The following KCNJ3 variants were observed in gnomAD, a reference collection of about 807,000 sequenced individuals.
The protein encoded by KCNJ3 is potassium inwardly rectifying channel subfamily J member 3.
KCNJ3 carries 4 observed loss-of-function variants against 39.2 expected under a neutral mutation model. The ratio of observed to expected loss-of-function variants is 0.10; its 90% CI spans 0.05 to 0.23. KCNJ3 has a LOEUF of 0.23. Among genes scored for constraint, KCNJ3 ranks in the 10% least tolerant of loss-of-function variants. KCNJ3 has a pLI of 1.00. For missense variants in KCNJ3, 276 were observed against 634.9 expected, an observed-to-expected ratio of 0.43 and a Z score of 6.08; for synonymous variants, 230 against 237.4, an observed-to-expected ratio of 0.97 and a Z score of 0.29.
At chr2:154,718,869 C>G (rs1685221532) in intron 2 of KCNJ3, among the ~76,000 whole-genome samples, 1 of 152,024 alleles carries the variant, frequency 6.6e-6, no homozygotes, top group South Asian at 2.1e-4. Context: ...GTTGACACTA[C>G]CTTTGTCATA....
intron 2 of KCNJ3, among the ~76,000 whole-genome samples, chr2:154,729,374 A>G (rs1685414754): frequency 6.6e-6 from 1 of 152,216 alleles, no homozygotes; most frequent in African/African-American, 2.4e-5. Context: ...ATAAAATGTC[A>G]TAAAGTGATA....
chr2:154,770,033 G>T (rs1429172189), intron 2 of KCNJ3, among the ~76,000 whole-genome samples: 1 of 152,080 alleles, frequency 6.6e-6, no homozygotes. Context: ...TGTTATTACT[G>T]GTTCTGAAAA....
chr2:154,714,834 T>G (rs1685157056), intron 2 of KCNJ3, among the ~76,000 whole-genome samples: 1 of 152,232 alleles, frequency 6.6e-6, no homozygotes. Flanking sequence ...AATCCCTGCC[T>G]TGTATGGATA....
At chr2:154,764,163 T>G (rs949552813) in intron 2 of KCNJ3, among the ~76,000 whole-genome samples, 3 of 152,236 alleles carry the variant, frequency 2.0e-5, no homozygotes, top group Admixed American at 6.5e-5. Flanking sequence ...AGTATCTCCA[T>G]TATATTCTGG....
intron 2 of KCNJ3, among the ~76,000 whole-genome samples, chr2:154,710,041 C>A (rs1265430793): frequency 6.6e-6 from 1 of 151,918 alleles, no homozygotes; most frequent in Non-Finnish European, 1.5e-5. Flanking sequence ...GGAACACTCA[C>A]TGTAAAAAAA....
intron 1 of KCNJ3, among the ~76,000 whole-genome samples, chr2:154,704,551 CT>C (rs1266633916): frequency 4.6e-5 from 7 of 152,214 alleles, no homozygotes; most frequent in Admixed American, 4.6e-4. Context: ...ATTAAAAATC[CT>C]TATTTTGGAC....
chr2:154,735,275 T>TTTC (rs1491248276), intron 2 of KCNJ3, among the ~76,000 whole-genome samples: 10 of 43,460 alleles, frequency 2.3e-4, no homozygotes, highest in Middle Eastern at 8.9e-3. Context: ...TCTTTCTTTC[T>TTTC]TTTTTTTTTT....
intron 2 of KCNJ3, among the ~76,000 whole-genome samples, chr2:154,828,268 C>T (rs1445147958): frequency 1.3e-5 from 2 of 152,142 alleles, no homozygotes; most frequent in African/African-American, 4.8e-5. Flanking sequence ...CGAACCTGAA[C>T]TTTGTAAAAG....
At chr2:154,823,473 G>A (rs1449057853) in intron 2 of KCNJ3, among the ~76,000 whole-genome samples, 1 of 150,620 alleles carries the variant, frequency 6.6e-6, no homozygotes. Context: ...GATTTATTCA[G>A]TTTTTTATCT....
intron 2 of KCNJ3, among the ~76,000 whole-genome samples, chr2:154,723,397 G>A (rs1374903851): frequency 1.3e-5 from 2 of 152,182 alleles, no homozygotes; most frequent in Middle Eastern, 3.2e-3. Context: ...ACAGTAAGGT[G>A]TAAGCTAGAA....
At chr2:154,818,718 G>A (rs1366355570) in intron 2 of KCNJ3, among the ~76,000 whole-genome samples, 1 of 152,086 alleles carries the variant, frequency 6.6e-6, no homozygotes, top group East Asian at 1.9e-4. Context: ...GTAATGACAA[G>A]AGTATTCAGT....
intron 2 of KCNJ3, among the ~76,000 whole-genome samples, chr2:154,747,439 A>G (rs1299880831): frequency 6.6e-6 from 1 of 151,972 alleles, no homozygotes; most frequent in Non-Finnish European, 1.5e-5. Flanking sequence ...AACAAAGTAT[A>G]TTTTTAAGAA....
chr2:154,792,538 CT>C (rs1686652877), intron 2 of KCNJ3, among the ~76,000 whole-genome samples: 1 of 152,054 alleles, frequency 6.6e-6, no homozygotes, highest in Non-Finnish European at 1.5e-5. Flanking sequence ...GTGAATTGTC[CT>C]GCTACTAAGT....
chr2:154,805,851 GA>G (rs1267810542), intron 2 of KCNJ3, among the ~76,000 whole-genome samples: 1 of 151,976 alleles, frequency 6.6e-6, no homozygotes, highest in Non-Finnish European at 1.5e-5. Context: ...GTTATAACCA[GA>G]ATTACATAAG....
At chr2:154,730,499 T>G (rs1685431821) in intron 2 of KCNJ3, among the ~76,000 whole-genome samples, 1 of 152,182 alleles carries the variant, frequency 6.6e-6, no homozygotes, top group South Asian at 2.1e-4. Context: ...ATTTAGTATT[T>G]TTCCCATAAA....
chr2:154,822,751 G>A (rs1687205765), intron 2 of KCNJ3, among the ~76,000 whole-genome samples: 1 of 151,602 alleles, frequency 6.6e-6, no homozygotes, highest in Non-Finnish European at 1.5e-5. Flanking sequence ...TATTAAAATA[G>A]AATATATTTT....
At chr2:154,765,647 A>T (rs1276986372) in intron 2 of KCNJ3, among the ~76,000 whole-genome samples, 1 of 152,190 alleles carries the variant, frequency 6.6e-6, no homozygotes, top group Non-Finnish European at 1.5e-5. Context: ...GAATTTTGTT[A>T]TTGTGATTAT....
intron 2 of KCNJ3, among the ~76,000 whole-genome samples, chr2:154,797,776 A>C (rs561207734): frequency 7.9e-5 from 12 of 152,258 alleles, no homozygotes; most frequent in African/African-American, 2.6e-4. Flanking sequence ...TGATTTATAA[A>C]ACCATTCCCT....
At chr2:154,793,557 C>T (rs1281239900) in intron 2 of KCNJ3, among the ~76,000 whole-genome samples, 1 of 152,004 alleles carries the variant, frequency 6.6e-6, no homozygotes, top group African/African-American at 2.4e-5. Flanking sequence ...GACTACATGG[C>T]CCTCAATTCT....
Sources: gnomAD v4.1 joint callset for allele counts (sites outside exome capture counted in the v4.1 genomes callset) on GRCh38, gnomAD v4.1.1 for gene constraint, MANE v1.5 for transcripts, NCBI Gene and HGNC (gene_info 2026-07-23, HGNC 2026-07-21) for gene names.